The following SLC17A1 variants were observed in gnomAD, a reference collection of about 807,000 sequenced individuals.
SLC17A1 encodes the protein solute carrier family 17 member 1, also known as sodium-dependent phosphate transport protein 1.
A neutral mutation model predicts 53.5 loss-of-function variants in SLC17A1; 51 were observed. The observed-to-expected ratio is 0.95, with a 90% CI of 0.76 to 1.20. SLC17A1 has a LOEUF of 1.20. Among genes scored for constraint, SLC17A1 ranks in the 50% most tolerant of loss-of-function variants. SLC17A1 has a pLI of 0.00. For synonymous variants in SLC17A1, 179 were observed against 198.8 expected, an observed-to-expected ratio of 0.90 and a Z score of 0.84; for missense variants, 538 against 568.2, an observed-to-expected ratio of 0.95 and a Z score of 0.54.
chr6:25,726,942 T>C, the SLC17A1 span: 2 of 1,613,840 alleles, frequency 1.2e-6, no homozygotes, highest in South Asian at 2.2e-5. Context: ...TGCTACCATT[T>C]CCAAGAAGGG....
intron 6 of SLC17A1, among the ~76,000 whole-genome samples, chr6:25,817,532 G>C (rs1764400866): frequency 6.6e-6 from 1 of 152,078 alleles, no homozygotes; most frequent in African/African-American, 2.4e-5. Flanking sequence ...ATGTGTAGTT[G>C]TGTAACACCT....
At chr6:25,828,123 G>A (rs938830628) in intron 2 of SLC17A1, among the ~76,000 whole-genome samples, 2 of 152,176 alleles carry the variant, frequency 1.3e-5, no homozygotes, top group Admixed American at 6.5e-5. Context: ...TGGAACAGGT[G>A]TAGGATAAAG....
chr6:25,759,101 C>T, the SLC17A1 span, among the ~76,000 whole-genome samples: 1 of 152,126 alleles, frequency 6.6e-6, no homozygotes, highest in African/African-American at 2.4e-5. Flanking sequence ...TGTATTTGCA[C>T]AGCTTTGAGA....
At chr6:25,802,133 A>G (rs1763796822) in intron 10 of SLC17A1, among the ~76,000 whole-genome samples, 1 of 152,188 alleles carries the variant, frequency 6.6e-6, no homozygotes, top group African/African-American at 2.4e-5. Context: ...AAAATATTAA[A>G]AATTATATTT....
chr6:25,746,054 A>G, the SLC17A1 span, among the ~76,000 whole-genome samples: 3 of 152,250 alleles, frequency 2.0e-5, no homozygotes, highest in African/African-American at 7.2e-5. Context: ...CAATCCTAAC[A>G]ATAAATAGTA....
the SLC17A1 span, chr6:25,726,374 A>G: frequency 2.5e-6 from 4 of 1,614,132 alleles, no homozygotes; most frequent in African/African-American, 1.3e-5. Flanking sequence ...ACTGCCGCCA[A>G]ATACACTGGT....
At chr6:25,779,132 T>C, downstream of SLC17A1, 1 of 1,613,932 alleles carries the variant, frequency 6.2e-7, no homozygotes, top group Non-Finnish European at 8.5e-7. Context: ...CTACCTCATC[T>C]TTGGCCGAGC....
At chr6:25,732,877 A>AAAC in the SLC17A1 span, 1 of 229,328 alleles carries the variant, frequency 4.4e-6, no homozygotes, top group Non-Finnish European at 8.3e-6. Context: ...TAATGTCTAG[A>AAAC]AGAAACAAAA....
the SLC17A1 span, among the ~76,000 whole-genome samples, chr6:25,765,920 A>C: frequency 6.6e-6 from 1 of 152,050 alleles, no homozygotes; most frequent in Non-Finnish European, 1.5e-5. Flanking sequence ...ACTCAAGGCA[A>C]TAAAACAATC....
chr6:25,726,953 C>CTT, the SLC17A1 span: 2 of 1,614,036 alleles, frequency 1.2e-6, no homozygotes, highest in Non-Finnish European at 1.7e-6. Flanking sequence ...CCAAGAAGGG[C>CTT]TTTAAGAAAG....
At chr6:25,803,071 C>T (rs372502685) in intron 10 of SLC17A1, among the ~76,000 whole-genome samples, 8 of 150,222 alleles carry the variant, frequency 5.3e-5, no homozygotes, top group East Asian at 2.0e-4. Flanking sequence ...CTCAGCCTTC[C>T]GAGTAGCTGG....
the SLC17A1 span, among the ~76,000 whole-genome samples, chr6:25,741,406 C>T: frequency 1.3e-3 from 132 of 99,298 alleles, no homozygotes; most frequent in Non-Finnish European, 2.2e-3. Context: ...CCTGTCTTTA[C>T]TAAGAATCCA....
chr6:25,813,287 A>G (rs1259131573), intron 6 of SLC17A1, 74 bp from the exon 7 acceptor site: 22 of 1,223,678 alleles, frequency 1.8e-5, no homozygotes, highest in Non-Finnish European at 2.5e-5. Context: ...GGCATTTTTC[A>G]ATGTATCAGT....
intron 3 of SLC17A1, among the ~76,000 whole-genome samples, chr6:25,823,050 G>A (rs879454051): frequency 2.0e-5 from 3 of 151,954 alleles, no homozygotes; most frequent in Non-Finnish European, 4.4e-5. Context: ...GAATGCTACG[G>A]TATGTACTCT....
chr6:25,734,177 A>G, the SLC17A1 span, among the ~76,000 whole-genome samples: 1 of 152,174 alleles, frequency 6.6e-6, no homozygotes, highest in Non-Finnish European at 1.5e-5. Flanking sequence ...CTATAGAATT[A>G]AATAAATATA....
At chr6:25,728,008 T>C in the SLC17A1 span, among the ~76,000 whole-genome samples, 1 of 152,062 alleles carries the variant, frequency 6.6e-6, no homozygotes, top group East Asian at 1.9e-4. Context: ...CGAGACTGTC[T>C]CAAAAAACAA....
chr6:25,741,007 G>A, the SLC17A1 span, among the ~76,000 whole-genome samples: 1 of 152,148 alleles, frequency 6.6e-6, no homozygotes, highest in African/African-American at 2.4e-5. Context: ...ATGGTTACCA[G>A]AGACTGTGAA....
intron 12 of SLC17A1, among the ~76,000 whole-genome samples, chr6:25,784,421 C>T (rs747809662): frequency 1.3e-5 from 2 of 152,126 alleles, no homozygotes; most frequent in Non-Finnish European, 2.9e-5. Flanking sequence ...ATCTTCCAAT[C>T]ATGGCAGAAG....
the SLC17A1 span, chr6:25,776,649 G>A: frequency 2.0e-4 from 317 of 1,613,614 alleles, 1 homozygote; most frequent in Non-Finnish European, 2.5e-4. Context: ...CATTATCCTT[G>A]GAGGTCTACT....
Sources: gnomAD v4.1 joint callset for allele counts (sites outside exome capture counted in the v4.1 genomes callset) on GRCh38, gnomAD v4.1.1 for gene constraint, MANE v1.5 for transcripts, NCBI Gene and HGNC (gene_info 2026-07-23, HGNC 2026-07-21) for gene names.